STK3: variants seen among roughly 807,000 people sequenced by gnomAD.
STK3 encodes the protein serine/threonine-protein kinase 3.
Under a neutral mutation model 58.0 loss-of-function variants are expected in STK3, and 41 were observed. The observed-to-expected ratio is 0.71, with a 90% CI of 0.55 to 0.92. The LOEUF is 0.92. STK3 is among the 40% of genes least tolerant of loss of function. The pLI is 0.00. For synonymous variants in STK3, 170 were observed against 191.0 expected (o/e 0.89, Z 0.91); for missense variants, 479 against 602.7 (o/e 0.79, Z 2.15).
At chr8:98,653,807 A>C (rs1445392426) in intron 6 of STK3, among the ~76,000 whole-genome samples, 5 of 152,002 alleles carry the variant, frequency 3.3e-5, no homozygotes, top group East Asian at 1.9e-4. Context: ...TCTGAATAGA[A>C]CAATAACAGG....
chr8:98,807,122 C>T (rs559994926), intron 1 of STK3, among the ~76,000 whole-genome samples: 1 of 147,828 alleles, frequency 6.8e-6, no homozygotes, highest in Non-Finnish European at 1.5e-5. Flanking sequence ...CCACTGCACT[C>T]CAGCCTGGGC....
chr8:98,481,735 A>C (rs1259739889), intron 10 of STK3, among the ~76,000 whole-genome samples: 1 of 152,132 alleles, frequency 6.6e-6, no homozygotes, highest in Admixed American at 6.5e-5. Flanking sequence ...AAAAAAAAAA[A>C]AACTTAGTAA....
chr8:98,729,196 T>C (rs982660816), intron 4 of STK3, among the ~76,000 whole-genome samples: 21 of 152,300 alleles, frequency 1.4e-4, no homozygotes, highest in African/African-American at 4.6e-4. Context: ...CTGCAACCTC[T>C]GCCTCCTGGG....
intron 8 of STK3, among the ~76,000 whole-genome samples, chr8:98,575,059 G>T (rs1813288052): frequency 6.6e-6 from 1 of 151,996 alleles, no homozygotes; most frequent in Admixed American, 6.6e-5. Context: ...TTTGTTTATA[G>T]GTCTTCAGAT....
chr8:98,353,954 A>AT, the STK3 span, among the ~76,000 whole-genome samples: 1 of 152,194 alleles, frequency 6.6e-6, no homozygotes, highest in Non-Finnish European at 1.5e-5. Context: ...CTAGTAATAT[A>AT]TTTTTTTAAA....
chr8:98,700,087 G>T (rs1280013520), intron 6 of STK3, among the ~76,000 whole-genome samples: 1 of 152,126 alleles, frequency 6.6e-6, no homozygotes, highest in Non-Finnish European at 1.5e-5. Flanking sequence ...CCCTCCCCCA[G>T]CCTCGCTGCC....
chr8:98,423,034 C>A (rs1818190980), intron 3 of STK3, among the ~76,000 whole-genome samples: 1 of 152,188 alleles, frequency 6.6e-6, no homozygotes, highest in African/African-American at 2.4e-5. Context: ...GAGAGCACCC[C>A]AGAGCCTGGG....
intron 1 of STK3, among the ~76,000 whole-genome samples, chr8:98,915,535 C>A (rs1353558851): frequency 7.0e-6 from 1 of 143,422 alleles, no homozygotes; most frequent in East Asian, 2.1e-4. Context: ...TATAAAAGTG[C>A]CTGGTATAGT....
At chr8:98,923,175 T>C (rs1839638506) in intron 1 of STK3, among the ~76,000 whole-genome samples, 1 of 152,206 alleles carries the variant, frequency 6.6e-6, no homozygotes, top group Non-Finnish European at 1.5e-5. Flanking sequence ...GTATACTTGC[T>C]TACAGTCAAT....
chr8:98,361,855 G>C, the STK3 span, among the ~76,000 whole-genome samples: 4 of 152,164 alleles, frequency 2.6e-5, no homozygotes, highest in Non-Finnish European at 5.9e-5. Flanking sequence ...TGTGGCTTCA[G>C]AACAAGGGAG....
chr8:98,844,094 T>C (rs1836103527), intron 3 of STK3, among the ~76,000 whole-genome samples: 1 of 152,166 alleles, frequency 6.6e-6, no homozygotes, highest in Non-Finnish European at 1.5e-5. Context: ...AGTTCAAGGC[T>C]ATGGTTGTGC....
At chr8:98,734,606 A>T (rs1212405433) in intron 4 of STK3, among the ~76,000 whole-genome samples, 1 of 152,206 alleles carries the variant, frequency 6.6e-6, no homozygotes, top group African/African-American at 2.4e-5. Flanking sequence ...GAAAGCCTCT[A>T]ATCAAAAATC....
At chr8:98,855,657 T>C (rs1836640165) in intron 3 of STK3, among the ~76,000 whole-genome samples, 1 of 152,156 alleles carries the variant, frequency 6.6e-6, no homozygotes, top group Admixed American at 6.6e-5. Context: ...AAAATAGATA[T>C]ATTAGACATT....
intron 6 of STK3, among the ~76,000 whole-genome samples, chr8:98,604,874 T>C (rs759824505): frequency 3.3e-5 from 5 of 152,222 alleles, no homozygotes; most frequent in African/African-American, 7.2e-5. Flanking sequence ...TTGAACACTT[T>C]ACTGCTTAGA....
rs779436718 is a variant in STK3, at chr8:98,548,179, C to A, written c.949-18G>T. ...TCTTCATCCTGCAAGCAAAATACTGCAATGAGGGAAGACTTTTCTATGACA... is the reference window on the plus strand; with the variant it reads ...TCTTCATCCTGCAAGCAAAATACTGAAATGAGGGAAGACTTTTCTATGACA... On this transcript the variant is annotated intron_variant, in intron 8 of 10. Coordinates refer to ENST00000419617, the MANE Select transcript of STK3 (RefSeq NM_006281.4). 2.7e-6 allele frequency: 4 copies of A among 1,482,256 alleles called. No homozygotes were observed. The highest frequency in any genetic ancestry group is 3.6e-6 in the Non-Finnish European group (4 of 1,114,394). 91.8% of individuals were successfully genotyped at this position (1,482,256 alleles called of 1,614,324 possible).
chr8:98,656,106 C>A (rs192700426), intron 6 of STK3, among the ~76,000 whole-genome samples: 4,287 of 152,172 alleles, frequency 0.028, 90 homozygotes, highest in Non-Finnish European at 0.044. Context: ...CAATGATAGA[C>A]TGGATTAAGA....
At chr8:98,859,358 A>C (rs959397124) in intron 3 of STK3, among the ~76,000 whole-genome samples, 1 of 152,246 alleles carries the variant, frequency 6.6e-6, no homozygotes, top group Non-Finnish European at 1.5e-5. Flanking sequence ...TCAAAATGAC[A>C]AGGATAAACT....
At chr8:98,583,861 G>A (rs1202747509) in intron 7 of STK3, among the ~76,000 whole-genome samples, 1 of 152,008 alleles carries the variant, frequency 6.6e-6, no homozygotes, top group East Asian at 1.9e-4. Context: ...GTGTGTGTGT[G>A]TGTGTGTGTG....
chr8:98,519,012 C>T (rs1019059289), intron 10 of STK3, among the ~76,000 whole-genome samples: 1 of 152,060 alleles, frequency 6.6e-6, no homozygotes, highest in African/African-American at 2.4e-5. Context: ...CTATAGTTGT[C>T]TTTTCATACT....
Sources: allele counts gnomAD v4.1 joint callset (sites outside exome capture counted in the v4.1 genomes callset), GRCh38; gene constraint gnomAD v4.1.1; transcripts MANE v1.5; gene names NCBI Gene and HGNC (gene_info 2026-07-23, HGNC 2026-07-21).